Variants in CCDC146 observed in about 807,000 individuals in gnomAD.
CCDC146 encodes the protein coiled-coil domain-containing protein 146.
A neutral mutation model predicts 119.3 loss-of-function variants in CCDC146; 92 were observed. The ratio of observed to expected loss-of-function variants is 0.77; its 90% CI spans 0.65 to 0.92. CCDC146 has a LOEUF of 0.92. Among genes scored for constraint, CCDC146 ranks in the 40% least tolerant of loss-of-function variants. The probability of loss-of-function intolerance (pLI) is 0.00; values close to 1 mark genes in which losing one functional copy is unlikely to be tolerated. For synonymous variants in CCDC146, 372 were observed against 371.8 expected, an observed-to-expected ratio of 1.00 and a Z score of -0.01; for missense variants, 1,000 against 1,103.0, an observed-to-expected ratio of 0.91 and a Z score of 1.32.
intron 2 of CCDC146, among the ~76,000 whole-genome samples, chr7:77,187,598 T>C (rs1791688954): frequency 1.3e-5 from 2 of 152,232 alleles, no homozygotes. Context: ...GGTGTCCTCA[T>C]GGTCACACAT....
At chr7:77,257,402 C>T (rs1793201571) in intron 6 of CCDC146, 1 of 152,122 alleles carries the variant, frequency 6.6e-6, no homozygotes, top group South Asian at 2.1e-4. Context: ...TGGTGATACA[C>T]TTTGACCTGT....
At chr7:77,290,626 A>G (rs1275070246) in intron 17 of CCDC146, among the ~76,000 whole-genome samples, 1 of 152,250 alleles carries the variant, frequency 6.6e-6, no homozygotes, top group East Asian at 1.9e-4. Flanking sequence ...GGAAGTTGTC[A>G]AAGCAGAAGC....
chr7:77,244,394 C>CCACT (rs1196335566), intron 4 of CCDC146, among the ~76,000 whole-genome samples: 1 of 152,166 alleles, frequency 6.6e-6, no homozygotes, highest in Non-Finnish European at 1.5e-5. Context: ...CATTCACTCA[C>CCACT]CACTCACTCA....
At position 77,191,778 on chromosome 7, in the gene CCDC146, C is replaced by T. The variant is rs755379407; in HGVS notation, c.156+23954C>T. On this transcript the variant is annotated intron_variant, in intron 2 of 18. Transcript: ENST00000285871. Reference sequence around the variant, plus strand: ...AAAACAAATTAGCTGGGTGTGGTGGCGGGCACCTGTAGTCCTAGCTACTTG... The same window carrying T: ...AAAACAAATTAGCTGGGTGTGGTGGTGGGCACCTGTAGTCCTAGCTACTTG... Among the ~76,000 whole-genome samples the T allele has an allele frequency of 9.4e-4, 143 of 152,006 alleles. 2 individuals are homozygous for T. The highest frequency in any genetic ancestry group is 9.7e-4 in the Non-Finnish European group (66 of 67,928).
intron 4 of CCDC146, among the ~76,000 whole-genome samples, chr7:77,251,455 C>A (rs975210871): frequency 6.6e-6 from 1 of 152,208 alleles, no homozygotes; most frequent in Non-Finnish European, 1.5e-5. Context: ...ATTCACACAT[C>A]CCTGCCATAT....
chr7:77,152,500 T>C (rs1791121588), intron 1 of CCDC146, among the ~76,000 whole-genome samples: 1 of 152,188 alleles, frequency 6.6e-6, no homozygotes, highest in African/African-American at 2.4e-5. Flanking sequence ...CTACTTCACT[T>C]ATTATCTAAA....
At position 77,145,990 on chromosome 7, in the gene CCDC146, A is replaced by G. The variant is rs1003908035; in HGVS notation, c.-11-21668A>G. Among the ~76,000 whole-genome samples, 5 of 151,856 alleles carry G rather than the reference A, an allele frequency of 3.3e-5. 1 individual carries two copies. In the East Asian group the frequency reaches 9.6e-4, roughly 29 times the overall value. On this transcript the variant is annotated intron_variant, in intron 1 of 18. Coordinates refer to ENST00000285871, the MANE Select transcript of CCDC146 (RefSeq NM_020879.3). ...GATATCCTTGTTAACTTTCTGTCTC[A>G]TTGATCTGTCTAATATTGACAGTGG...
chr7:77,152,858 G>C (rs948923259), intron 1 of CCDC146, among the ~76,000 whole-genome samples: 1 of 152,184 alleles, frequency 6.6e-6, no homozygotes, highest in Admixed American at 6.6e-5. Context: ...ACAAGGCACT[G>C]GTGGGAGGAA....
At chr7:77,160,491 TG>T (rs1393905712) in intron 1 of CCDC146, among the ~76,000 whole-genome samples, 1 of 152,172 alleles carries the variant, frequency 6.6e-6, no homozygotes, top group Non-Finnish European at 1.5e-5. Flanking sequence ...TCACGTCCCT[TG>T]TAAGTTGGAT....
chr7:77,234,712 G>A (rs558616824), intron 2 of CCDC146, among the ~76,000 whole-genome samples: 23 of 152,230 alleles, frequency 1.5e-4, no homozygotes, highest in African/African-American at 4.8e-4. Flanking sequence ...TCCAGCCTGG[G>A]CAACAGAGCG....
At chr7:77,211,725 C>T (rs1216891759) in intron 2 of CCDC146, among the ~76,000 whole-genome samples, 1 of 152,080 alleles carries the variant, frequency 6.6e-6, no homozygotes, top group East Asian at 1.9e-4. Flanking sequence ...AAATGATTCT[C>T]CTGCCTCAGC....
intron 17 of CCDC146, among the ~76,000 whole-genome samples, chr7:77,290,833 C>G (rs539596331): frequency 6.6e-6 from 1 of 152,260 alleles, no homozygotes; most frequent in Non-Finnish European, 1.5e-5. Flanking sequence ...AAATCACTAG[C>G]AGCAACATTT....
At position 77,135,427 on chromosome 7, in the gene CCDC146, G is replaced by T. The variant is rs1179744366; in HGVS notation, c.-12+12695G>T. Among the ~76,000 whole-genome samples the T allele has an allele frequency of 2.6e-5, 4 of 151,632 alleles. No homozygotes were observed. The East Asian group carries it at 7.7e-4, about 29-fold the overall frequency. ...TGTTTGAGGCCAGAAGATTCAGGCT[G>T]CAGCAACAGAGTGAGACACTGAAAA... On this transcript the variant is annotated intron_variant, in intron 1 of 18. Coordinates refer to ENST00000285871, the MANE Select transcript of CCDC146 (RefSeq NM_020879.3).
At chr7:77,275,275 A>G (rs1399350497) in intron 11 of CCDC146, among the ~76,000 whole-genome samples, 1 of 152,122 alleles carries the variant, frequency 6.6e-6, no homozygotes, top group Non-Finnish European at 1.5e-5. Context: ...ATATGCTTGG[A>G]TTTTTGTATT....
chr7:77,230,754 T>A (rs1227635092), intron 2 of CCDC146, among the ~76,000 whole-genome samples: 1 of 152,198 alleles, frequency 6.6e-6, no homozygotes, highest in African/African-American at 2.4e-5. Context: ...CTGAATATGT[T>A]TTCATCCCAT....
At chr7:77,142,670 T>C (rs1009182019) in intron 1 of CCDC146, among the ~76,000 whole-genome samples, 1 of 151,738 alleles carries the variant, frequency 6.6e-6, no homozygotes, top group Non-Finnish European at 1.5e-5. Context: ...CAGTGTTTGG[T>C]TTTTTGTTCT....
rs551895079 is a variant in CCDC146, at chr7:77,157,221, T to C, written c.-11-10437T>C. Among the ~76,000 whole-genome samples the C allele has an allele frequency of 9.8e-3, 1,019 of 103,730 alleles. 8 individuals are homozygous for C. Among genetic ancestry groups the C allele is most frequent in the Non-Finnish European group, 0.014 (738 of 52,432 alleles). The allele number at this position is 103,730 out of a possible 152,430, so 68.1% of individuals were successfully genotyped here. A position where few individuals can be genotyped will look rare whatever the true frequency, so the allele number is the denominator to read the frequency against. On this transcript the variant is annotated intron_variant, in intron 1 of 18. Coordinates refer to ENST00000285871, the MANE Select transcript of CCDC146 (RefSeq NM_020879.3). ...AGAACACTCAGGTTCTGTGTGGGAC[T>C]AGGAGAGAAATAAATCATGTTCAAC...
rs191569909 is a variant in CCDC146, at chr7:77,196,487, C to G, written c.156+28663C>G. On this transcript the variant is annotated intron_variant, in intron 2 of 18. Transcript: ENST00000285871. The surrounding 1 kb of genome is among the most constrained non-coding windows in gnomAD (Gnocchi z 4.2). ...CCAGCCTGAACTGTAGTACAGCCCA[C>G]AGTTCCCAGAAGGATATCGATCATT... is the stretch of plus-strand genomic sequence containing the variant. The G allele has an allele frequency of 6.2e-7, 1 of 1,614,142 alleles. No homozygotes were observed. Among genetic ancestry groups the G allele is most frequent in the East Asian group, 2.2e-5 (1 of 44,874 alleles).
chr7:77,242,037 CT>C, intron 4 of CCDC146, 137 bp downstream of exon 4: 1 of 671,842 alleles, frequency 1.5e-6, no homozygotes, highest in Non-Finnish European at 2.5e-6. Context: ...CTCTTGATTC[CT>C]TAGAATGGAA....
Sources: allele counts gnomAD v4.1 joint callset (sites outside exome capture counted in the v4.1 genomes callset), GRCh38; gene constraint gnomAD v4.1.1; non-coding constraint Gnocchi (gnomAD v3.1); transcripts MANE v1.5; gene names NCBI Gene and HGNC (gene_info 2026-07-23, HGNC 2026-07-21).